The following NR6A1 variants were observed in gnomAD, a reference collection of about 807,000 sequenced individuals.
NR6A1 encodes the protein nuclear receptor subfamily 6 group A member 1.
NR6A1 carries 7 observed loss-of-function variants against 59.1 expected under a neutral mutation model. The ratio of observed to expected loss-of-function variants is 0.12; its 90% confidence interval spans 0.07 to 0.22. The LOEUF is 0.22. Ranked by LOEUF, NR6A1 falls within the 10% of genes least tolerant of loss-of-function variation. The probability of loss-of-function intolerance (pLI) is 1.00; values close to 1 mark genes in which losing one functional copy is unlikely to be tolerated. For synonymous variants in NR6A1, 243 were observed against 236.1 expected (o/e 1.03, Z -0.27); for missense variants, 468 against 611.6 (o/e 0.77, Z 2.48).
chr9:124,576,667 T>C (rs563303593), intron 2 of NR6A1, among the ~76,000 whole-genome samples: 1 of 152,366 alleles, frequency 6.6e-6, no homozygotes, highest in South Asian at 2.1e-4. Context: ...TTTCCTAATC[T>C]ATAAACCTAT....
chr9:124,588,001 A>G (rs1327483750), intron 2 of NR6A1, among the ~76,000 whole-genome samples: 3 of 151,962 alleles, frequency 2.0e-5, no homozygotes, highest in Admixed American at 2.0e-4. Flanking sequence ...TCAAGTCAAC[A>G]CTTTTACAAA....
intron 2 of NR6A1, among the ~76,000 whole-genome samples, chr9:124,677,935 T>C (rs1181581683): frequency 6.6e-6 from 1 of 152,144 alleles, no homozygotes; most frequent in Non-Finnish European, 1.5e-5. Flanking sequence ...CCAACATTTT[T>C]AAAGGGACAG....
intron 1 of NR6A1, among the ~76,000 whole-genome samples, chr9:124,745,987 C>CAA (rs755252377): frequency 0.012 from 695 of 57,962 alleles, 9 homozygotes; most frequent in African/African-American, 0.036. Context: ...GACTCTGTCT[C>CAA]AAAAAAAAAA....
chr9:124,583,455 C>G (rs1834830752), intron 2 of NR6A1, among the ~76,000 whole-genome samples: 1 of 152,164 alleles, frequency 6.6e-6, no homozygotes, highest in Non-Finnish European at 1.5e-5. Flanking sequence ...GCATCTAGGC[C>G]TCTAGTTCTG....
chr9:124,518,026 G>A lies in NR6A1; in HGVS notation c.*4679C>T, dbSNP rs952669272. 6 of 151,128 alleles carry A rather than the reference G, an allele frequency of 4.0e-5. No homozygotes were observed. Among genetic ancestry groups the A allele is most frequent in the Non-Finnish European group, 7.4e-5 (5 of 67,888 alleles). 9.4% of individuals were successfully genotyped at this position (151,128 alleles called of 1,614,324 possible). On this transcript the variant is annotated 3_prime_UTR_variant, in exon 10 of 10. Coordinates refer to ENST00000487099, the MANE Select transcript of NR6A1 (RefSeq NM_033334.4). ...CCTATTACAAGACATTTTAGAGAAA[G>A]AAAACAATGGTCATTAAAGGGCAAA...
chr9:124,634,370 G>A (rs1836537101), intron 2 of NR6A1, among the ~76,000 whole-genome samples: 1 of 152,110 alleles, frequency 6.6e-6, no homozygotes, highest in Non-Finnish European at 1.5e-5. Flanking sequence ...ATTAACATGT[G>A]TGATCTTGCA....
At chr9:124,526,657 C>G in intron 8 of NR6A1, 122 bp downstream of exon 8, 1 of 1,426,818 alleles carries the variant, frequency 7.0e-7, no homozygotes, top group Non-Finnish European at 9.6e-7. Flanking sequence ...GATTGAAACC[C>G]AGATGGTGTG....
At chr9:124,527,711 C>CCACTT (rs1832979984) in intron 7 of NR6A1, among the ~76,000 whole-genome samples, 2 of 152,116 alleles carry the variant, frequency 1.3e-5, no homozygotes, top group Non-Finnish European at 2.9e-5. Flanking sequence ...AGGTGGTGTA[C>CCACTT]CCTAGCAGAA....
intron 1 of NR6A1, among the ~76,000 whole-genome samples, chr9:124,763,397 A>G (rs996710223): frequency 6.6e-6 from 1 of 152,238 alleles, no homozygotes; most frequent in Non-Finnish European, 1.5e-5. Context: ...ACAGTAAAAA[A>G]GGCAAATGAT....
chr9:124,544,106 C>G (rs1389088692), intron 3 of NR6A1, among the ~76,000 whole-genome samples: 1 of 152,174 alleles, frequency 6.6e-6, no homozygotes, highest in Non-Finnish European at 1.5e-5. Context: ...TCAATATGTT[C>G]GAAAAAGGTG....
At position 124,540,083 on chromosome 9, in the gene NR6A1, G is replaced by A. The variant is rs778775522; in HGVS notation, c.546C>T (p.Asn182=). The change falls in exon 5 of 10, where the codon AAC becomes AAT. Residue 182 remains asparagine (N), a synonymous_variant. Coordinates refer to ENST00000487099, the MANE Select transcript of NR6A1 (RefSeq NM_033334.4). ...HGDSDHSSPG[N]RASESNQPSP... ...AGGGCTGGTTGCTCTCCGAAGCCCT[G>A]TTCCCAGGGGAACTGTGGTCACTAT... The A allele has an allele frequency of 1.1e-5, 18 of 1,613,742 alleles. No homozygotes were observed. The Admixed American group carries it at 1.7e-4, about 15-fold the overall frequency.
chr9:124,625,687 CTGTT>C (rs765976726), intron 2 of NR6A1, among the ~76,000 whole-genome samples: 11 of 152,108 alleles, frequency 7.2e-5, no homozygotes, highest in African/African-American at 2.2e-4. Flanking sequence ...GGTGCCCAGA[CTGTT>C]TGGTCAAACA....
At chr9:124,575,817 A>C (rs1834573874) in intron 2 of NR6A1, among the ~76,000 whole-genome samples, 1 of 152,184 alleles carries the variant, frequency 6.6e-6, no homozygotes, top group Non-Finnish European at 1.5e-5. Flanking sequence ...TAAATGCTCA[A>C]ACATGTGAGC....
intron 2 of NR6A1, among the ~76,000 whole-genome samples, chr9:124,581,391 G>C (rs1163701074): frequency 6.6e-6 from 1 of 152,024 alleles, no homozygotes; most frequent in Non-Finnish European, 1.5e-5. Flanking sequence ...TCAAGAGATC[G>C]AGACCATCTG....
At chr9:124,598,341 C>T (rs1835337182) in intron 2 of NR6A1, among the ~76,000 whole-genome samples, 1 of 147,858 alleles carries the variant, frequency 6.8e-6, no homozygotes, top group South Asian at 2.1e-4. Context: ...AGAGTGACCT[C>T]GTCCCTACTT....
At chr9:124,649,581 C>G (rs922040865) in intron 2 of NR6A1, among the ~76,000 whole-genome samples, 1 of 152,030 alleles carries the variant, frequency 6.6e-6, no homozygotes, top group Non-Finnish European at 1.5e-5. Context: ...AAAGCACAGG[C>G]AACAAAAGCA....
chr9:124,744,728 A>G (rs902232074), intron 1 of NR6A1, among the ~76,000 whole-genome samples: 3 of 152,204 alleles, frequency 2.0e-5, no homozygotes, highest in Admixed American at 1.3e-4. Context: ...TTATTTGTTC[A>G]TTGTCATTGT....
At chr9:124,631,744 G>A (rs2130882470) in intron 2 of NR6A1, among the ~76,000 whole-genome samples, 1 of 152,228 alleles carries the variant, frequency 6.6e-6, no homozygotes, top group African/African-American at 2.4e-5. Context: ...GAAGTTTGTT[G>A]TACAGATCAT....
chr9:124,688,166 A>G (rs1235339778), intron 2 of NR6A1, among the ~76,000 whole-genome samples: 1 of 152,058 alleles, frequency 6.6e-6, no homozygotes, highest in Admixed American at 6.6e-5. Flanking sequence ...TACAAAAAAA[A>G]ATTTCTAAAT....
Sources: allele counts gnomAD v4.1 joint callset (sites outside exome capture counted in the v4.1 genomes callset), GRCh38; gene constraint gnomAD v4.1.1; transcripts MANE v1.5; gene names NCBI Gene and HGNC (gene_info 2026-07-23, HGNC 2026-07-21).